LRCH1: variants seen among roughly 807,000 people sequenced by gnomAD.
LRCH1 encodes leucine-rich repeat and calponin homology domain-containing protein 1.
LRCH1 carries 23 observed loss-of-function variants against 94.9 expected under a neutral mutation model. The observed-to-expected ratio is 0.24, with a 90% CI of 0.17 to 0.34. The LOEUF (loss-of-function observed/expected upper bound fraction) is 0.34. Ranked by LOEUF, LRCH1 falls within the 10% of genes least tolerant of loss-of-function variation. The pLI, the probability that LRCH1 is intolerant of heterozygous loss-of-function variation, is 1.00. For missense variants in LRCH1, 790 were observed against 945.9 expected (o/e 0.84, Z 2.16); for synonymous variants, 364 against 354.9 (o/e 1.03, Z -0.29).
At chr13:46,632,888 CTG>C (rs898384289) in intron 1 of LRCH1, among the ~76,000 whole-genome samples, 3 of 152,176 alleles carry the variant, frequency 2.0e-5, no homozygotes, top group Non-Finnish European at 4.4e-5. Context: ...TTTAGATAAA[CTG>C]TTTCTATTGT....
intron 1 of LRCH1, among the ~76,000 whole-genome samples, chr13:46,636,910 C>T (rs1039718206): frequency 3.9e-5 from 6 of 152,188 alleles, no homozygotes; most frequent in African/African-American, 1.4e-4. Context: ...TCACTCACTC[C>T]TCTTTAGAGT....
At chr13:46,686,115 C>T (rs1377812715) in intron 5 of LRCH1, 74 bp downstream of exon 5, 1 of 1,341,562 alleles carries the variant, frequency 7.5e-7, no homozygotes, top group Non-Finnish European at 9.7e-7. Context: ...ATTTCCCCTT[C>T]ACCCTCTGAA....
At chr13:46,571,160 A>C (rs890883786) in intron 1 of LRCH1, among the ~76,000 whole-genome samples, 3 of 152,350 alleles carry the variant, frequency 2.0e-5, no homozygotes, top group Admixed American at 6.5e-5. Flanking sequence ...ACAATATGTT[A>C]GACTTTTGGT....
rs1370629192 is a variant in LRCH1, at chr13:46,553,487, C to T, written c.91C>T (p.His31Tyr). Residue 31 changes from histidine to tyrosine, a missense_variant, in exon 1 of 20, where the codon CAC (histidine) becomes TAC (tyrosine). This residue lies in a region of LRCH1 where 136 missense variants were observed against 143.5 expected (regional missense o/e 0.95). Coordinates refer to ENST00000389797, the MANE Select transcript of LRCH1 (RefSeq NM_001164211.2). ...ACTTCATCATCCCCACCACCACCAC[C>T]ACCACCATCAGCACCACGGAGGAAC... Reference protein sequence around the residue: ...HPLHHPHHHHHHHQHHGGTGA... With the variant: ...HPLHHPHHHHYHHQHHGGTGA... 4 of 1,548,636 alleles carry T rather than the reference C, an allele frequency of 2.6e-6. No homozygotes were observed. The highest frequency in any genetic ancestry group is 3.5e-6 in the Non-Finnish European group (4 of 1,145,860).
At chr13:46,621,238 C>T (rs1301889464) in intron 1 of LRCH1, among the ~76,000 whole-genome samples, 2 of 152,168 alleles carry the variant, frequency 1.3e-5, no homozygotes, top group African/African-American at 2.4e-5. Context: ...TTGCAGGTAC[C>T]ACAGTGGATT....
chr13:46,636,302 C>T (rs1263608255), intron 1 of LRCH1, among the ~76,000 whole-genome samples: 2 of 151,920 alleles, frequency 1.3e-5, no homozygotes, highest in Non-Finnish European at 2.9e-5. Flanking sequence ...GAACTCCTGA[C>T]CTCAAGTGAT....
At chr13:46,628,111 CA>C (rs1428410179) in intron 1 of LRCH1, among the ~76,000 whole-genome samples, 1 of 152,106 alleles carries the variant, frequency 6.6e-6, no homozygotes, top group Non-Finnish European at 1.5e-5. Context: ...CTAACAAAAA[CA>C]ATGAAAACCA....
chr13:46,729,047 G>A, intron 18 of LRCH1, 63 bp downstream of exon 18: 3 of 1,496,450 alleles, frequency 2.0e-6, no homozygotes. Context: ...ACTGTTGTTG[G>A]TTTAGGATGT....
At chr13:46,590,091 G>A (rs2050482513) in intron 1 of LRCH1, among the ~76,000 whole-genome samples, 1 of 151,974 alleles carries the variant, frequency 6.6e-6, no homozygotes, top group African/African-American at 2.4e-5. Context: ...TCTTTTTTGG[G>A]AAGATGAGGT....
At chr13:46,726,801 G>T (rs1213058302) in intron 17 of LRCH1, among the ~76,000 whole-genome samples, 2 of 139,500 alleles carry the variant, frequency 1.4e-5, no homozygotes, top group African/African-American at 5.3e-5. Flanking sequence ...AAACCCAGAT[G>T]CCTGCATTCA....
chr13:46,644,020 A>G (rs2051191145), intron 1 of LRCH1, among the ~76,000 whole-genome samples: 2 of 152,192 alleles, frequency 1.3e-5, no homozygotes, highest in Admixed American at 6.5e-5. Context: ...TCATTGCTGT[A>G]TCTTCCTGAT....
At chr13:46,660,319 G>GTCAC (rs1481306291) in intron 2 of LRCH1, among the ~76,000 whole-genome samples, 1 of 151,858 alleles carries the variant, frequency 6.6e-6, no homozygotes, top group African/African-American at 2.4e-5. Context: ...TGGCCTAGGA[G>GTCAC]TCAATAAGTT....
intron 2 of LRCH1, among the ~76,000 whole-genome samples, chr13:46,655,472 A>C (rs1014217640): frequency 4.6e-5 from 7 of 152,230 alleles, no homozygotes; most frequent in African/African-American, 1.7e-4. Flanking sequence ...ACAAAAGGTT[A>C]TGTTAGTTTA....
At chr13:46,609,688 A>G (rs1296697851) in intron 1 of LRCH1, among the ~76,000 whole-genome samples, 1 of 152,176 alleles carries the variant, frequency 6.6e-6, no homozygotes, top group East Asian at 1.9e-4. Context: ...GGTGAACACA[A>G]CAGAGGTGTT....
chr13:46,714,004 T>C lies in LRCH1; in HGVS notation c.1654+1407T>C, dbSNP rs562034595. Among the ~76,000 whole-genome samples, 7 of 152,380 alleles carry C rather than the reference T, an allele frequency of 4.6e-5. No individual in the cohort carries two copies. In the East Asian group the frequency reaches 1.2e-3, roughly 25 times the overall value. On this transcript the variant is annotated intron_variant, in intron 15 of 19. Transcript: ENST00000389797. ...CTTTTGAATGTATAACTTGCAATTG[T>C]AGAATTATTTTGGTGACTTTTTTAT...
chr13:46,723,404 A>G lies in LRCH1; in HGVS notation c.1869+74A>G, dbSNP rs544121867. The G allele has an allele frequency of 1.4e-4, 163 of 1,142,206 alleles. No homozygotes were observed. The African/African-American group carries it at 2.3e-3, about 16-fold the overall frequency. 70.8% of individuals were successfully genotyped at this position (1,142,206 alleles called of 1,614,324 possible). ...ACATTTTTGAGAAACAGACTTTGAA[A>G]CATTGCAAGCAGTCCTAATTTCAAA... On this transcript the variant is annotated intron_variant, in intron 17 of 19. Transcript: ENST00000389797.
rs1251708213 is a variant in LRCH1, at chr13:46,741,684, C to T, written c.2128C>T (p.Arg710Cys). The change falls in exon 20 of 20, where the codon CGT becomes TGT. Residue 710 changes from arginine (R) to cysteine (C), a missense_variant. Arg to Cys is a radical substitution (Grantham distance 180). This residue lies in a region of LRCH1 where 460 missense variants were observed against 508.9 expected (regional missense o/e 0.90). Coordinates refer to ENST00000389797, the MANE Select transcript of LRCH1 (RefSeq NM_001164211.2). ...GTGTGACATCCTGCAGTTGGATTTTCGTCACATTCGAAAGACTGTTGACAC... is the reference window on the plus strand; with the variant it reads ...GTGTGACATCCTGCAGTTGGATTTTTGTCACATTCGAAAGACTGTTGACAC... ...SPCDILQLDF[R>C]HIRKTVDTLL... is the part of the protein sequence containing the mutation. 5.0e-6 allele frequency: 8 copies of T among 1,614,184 alleles called. No homozygotes were observed. The highest frequency in any genetic ancestry group is 4.5e-5 in the East Asian group (2 of 44,880).
At chr13:46,633,436 C>T (rs1028860337) in intron 1 of LRCH1, among the ~76,000 whole-genome samples, 51 of 152,242 alleles carry the variant, frequency 3.3e-4, no homozygotes, top group African/African-American at 1.2e-3. Flanking sequence ...CAGCAGAATG[C>T]CATCATCATT....
chr13:46,682,835 G>A (rs1870399059), intron 4 of LRCH1, among the ~76,000 whole-genome samples: 1 of 152,206 alleles, frequency 6.6e-6, no homozygotes, highest in Non-Finnish European at 1.5e-5. Context: ...TGTCTGTCCA[G>A]TAGTGTGTTG....
Sources: allele counts gnomAD v4.1 joint callset (sites outside exome capture counted in the v4.1 genomes callset), GRCh38; gene constraint gnomAD v4.1.1; regional missense constraint gnomAD v4.1.1; transcripts MANE v1.5; gene names NCBI Gene and HGNC (gene_info 2026-07-23, HGNC 2026-07-21).